DUSP22: variants seen among roughly 807,000 people sequenced by gnomAD.
DUSP22 encodes the protein dual specificity phosphatase 22, also known as dual specificity protein phosphatase 22.
In DUSP22, 24 loss-of-function variants were observed where a neutral mutation model predicts 24.5. The observed-to-expected ratio is 0.98, with a 90% confidence interval of 0.71 to 1.38. DUSP22 has a LOEUF of 1.38. DUSP22 is among the 40% of genes most tolerant of loss of function. DUSP22 has a pLI of 0.00. For missense variants in DUSP22, 330 were observed against 269.2 expected (o/e 1.23, Z -1.58); for synonymous variants, 160 against 106.4 (o/e 1.50, Z -3.10).
intron 4 of DUSP22, among the ~76,000 whole-genome samples, chr6:337,638 G>T (rs1310046840): frequency 6.6e-6 from 1 of 152,304 alleles, no homozygotes; most frequent in Non-Finnish European, 1.5e-5. Context: ...TTTAAAATAC[G>T]TATAGATTTA....
intron 3 of DUSP22, among the ~76,000 whole-genome samples, chr6:327,653 TG>T (rs1474168967): frequency 6.6e-6 from 1 of 152,280 alleles, no homozygotes; most frequent in African/African-American, 2.4e-5. Context: ...GCTGGTGGTG[TG>T]GGGGCCCAGC....
At chr6:312,740 T>A (rs1396476839) in intron 3 of DUSP22, among the ~76,000 whole-genome samples, 1 of 152,304 alleles carries the variant, frequency 6.6e-6, no homozygotes, top group Non-Finnish European at 1.5e-5. Context: ...AAATTTATAT[T>A]AGGCAAGAGT....
intron 4 of DUSP22, among the ~76,000 whole-genome samples, chr6:341,851 C>G (rs976395501): frequency 1.4e-4 from 21 of 152,290 alleles, no homozygotes; most frequent in African/African-American, 5.1e-4. Context: ...CTTCACACGC[C>G]CACTCGGCTC....
chr6:350,335 A>T lies in DUSP22; in HGVS notation c.*1384A>T. ...GCAGGCATCCTGGGACGCTGTACGC[A>T]ATTCAGTGGTCTAGTCCTTTATACC... On this transcript the variant is annotated 3_prime_UTR_variant, in exon 7 of 7. Transcript: ENST00000419235. The T allele has an allele frequency of 9.9e-7, 1 of 1,014,918 alleles. No individual in the cohort carries two copies. The highest frequency in any genetic ancestry group is 1.2e-6 in the Non-Finnish European group (1 of 848,506). 62.9% of individuals were successfully genotyped at this position (1,014,918 alleles called of 1,614,324 possible).
chr6:345,856 C>T lies in DUSP22; in HGVS notation c.191C>T (p.Thr64Ile), dbSNP rs745968465. The change falls in exon 5 of 7, where the codon ACA (threonine) becomes ATA (isoleucine). Residue 64 changes from threonine to isoleucine, a missense_variant and splice_region_variant. Thr to Ile is a moderately conservative substitution (Grantham distance 89). Transcript: ENST00000419235. ...PAADSPSQNL[T>I]RHFKESIKFI... The stretch of plus-strand genomic sequence containing the variant: ...TTTCTCTTTTTTTCTTTTCCCAGGA[C>T]AAGACATTTCAAAGAAAGTATTAAA... The T allele has an allele frequency of 6.2e-7, 1 of 1,614,206 alleles. No individual in the cohort carries two copies. The highest frequency in any genetic ancestry group is 8.5e-7 in the Non-Finnish European group (1 of 1,180,002).
At chr6:345,627 G>C (rs1445109895) in intron 4 of DUSP22, among the ~76,000 whole-genome samples, 1 of 152,420 alleles carries the variant, frequency 6.6e-6, no homozygotes, top group South Asian at 2.1e-4. Flanking sequence ...AGTGATAAAT[G>C]TTTAAAGTGA....
chr6:315,240 C>G (rs1329697113), intron 3 of DUSP22, among the ~76,000 whole-genome samples: 2 of 152,306 alleles, frequency 1.3e-5, no homozygotes, highest in Non-Finnish European at 2.9e-5. Context: ...CTAGTAAGCC[C>G]TAAATTCACA....
At chr6:300,729 C>G (rs1757542627) in intron 1 of DUSP22, among the ~76,000 whole-genome samples, 1 of 152,308 alleles carries the variant, frequency 6.6e-6, no homozygotes, top group South Asian at 2.1e-4. Context: ...TGTGACTTGC[C>G]TCAAGATCTG....
At chr6:308,112 G>A (rs933368889) in intron 2 of DUSP22, among the ~76,000 whole-genome samples, 1 of 152,298 alleles carries the variant, frequency 6.6e-6, no homozygotes, top group African/African-American at 2.4e-5. Context: ...TGACCTTCTG[G>A]GGTTCTTCTT....
Position 327,838 on chromosome 6 carries a change from A to G in DUSP22, c.139-7276A>G, listed in dbSNP as rs1244703778. On this transcript the variant is annotated intron_variant, in intron 3 of 6. Transcript: ENST00000419235. ...GGCCGGGAGCAGGGAAGCACAGAAC[A>G]TGTGGGGAGACTAACAGCAGCCCAG... Among the ~76,000 whole-genome samples, 5 of 152,292 alleles carry G rather than the reference A, an allele frequency of 3.3e-5. No homozygotes were observed. In the East Asian group the frequency reaches 9.6e-4, roughly 29 times the overall value.
At chr6:346,004 T>C in intron 5 of DUSP22, 76 bp downstream of exon 5, 3 of 1,568,776 alleles carry the variant, frequency 1.9e-6, no homozygotes, top group African/African-American at 1.3e-5. Context: ...TTTTTCCGTG[T>C]GTGAATAATG....
chr6:307,334 C>T (rs1757856574), intron 2 of DUSP22, among the ~76,000 whole-genome samples: 1 of 152,304 alleles, frequency 6.6e-6, no homozygotes, highest in African/African-American at 2.4e-5. Flanking sequence ...CTCTCCCTCC[C>T]TCCCTTCCTT....
At chr6:299,392 G>A (rs1757483082) in intron 1 of DUSP22, among the ~76,000 whole-genome samples, 1 of 152,428 alleles carries the variant, frequency 6.6e-6, no homozygotes, top group South Asian at 2.1e-4. Context: ...AAAATATCGT[G>A]AAAATAGATG....
chr6:319,444 A>T (rs528327027), intron 3 of DUSP22, among the ~76,000 whole-genome samples: 1 of 152,418 alleles, frequency 6.6e-6, no homozygotes, highest in South Asian at 2.1e-4. Context: ...TTAATCTTCA[A>T]TCTTCAAAGG....
intron 2 of DUSP22, 76 bp from the exon 3 acceptor site, chr6:311,804 T>A: frequency 6.8e-7 from 1 of 1,463,986 alleles, no homozygotes; most frequent in Non-Finnish European, 9.2e-7. Flanking sequence ...TGGGTTTTTT[T>A]TTTTTTCTGG....
At chr6:306,375 G>A (rs1283044170) in intron 2 of DUSP22, among the ~76,000 whole-genome samples, 1 of 152,300 alleles carries the variant, frequency 6.6e-6, no homozygotes, top group African/African-American at 2.4e-5. Context: ...CAGCTTTAAG[G>A]AAATATTTAA....
Position 350,307 on chromosome 6 carries a change from G to A in DUSP22, c.*1356G>A, listed in dbSNP as rs1760134783. 1.0e-6 allele frequency: 1 copy of A among 998,858 alleles called. No homozygotes were observed. The highest frequency in any genetic ancestry group is 1.2e-6 in the Non-Finnish European group (1 of 838,462). 61.9% of individuals were successfully genotyped at this position (998,858 alleles called of 1,614,324 possible). ...GAGCATCTACAGTTTGTACTCTGGG[G>A]CTGCAGGCATCCTGGGACGCTGTAC... is the stretch of plus-strand genomic sequence containing the variant. On this transcript the variant is annotated 3_prime_UTR_variant, in exon 7 of 7. Transcript: ENST00000419235.
intron 6 of DUSP22, chr6:348,486 C>A: frequency 2.3e-6 from 2 of 886,344 alleles, no homozygotes; most frequent in South Asian, 3.5e-5. Context: ...TTGTCATTCT[C>A]CTTGTGCCTG....
intron 2 of DUSP22, among the ~76,000 whole-genome samples, chr6:306,092 A>G (rs576986306): frequency 1.0e-3 from 153 of 152,368 alleles, no homozygotes; most frequent in African/African-American, 3.6e-3. Context: ...TAAGCTTTGT[A>G]GTTCTGAAAA....
Sources: gnomAD v4.1 joint callset for allele counts (sites outside exome capture counted in the v4.1 genomes callset) on GRCh38, gnomAD v4.1.1 for gene constraint, MANE v1.5 for transcripts, NCBI Gene and HGNC (gene_info 2026-07-23, HGNC 2026-07-21) for gene names.